The following NME9 variants were observed in gnomAD, a reference collection of about 807,000 sequenced individuals.
NME9 encodes the protein thioredoxin domain-containing protein 6.
In NME9, 48 loss-of-function variants were observed where a neutral mutation model predicts 44.4. That is an observed-to-expected ratio of 1.08 (90% CI 0.86 to 1.37). The LOEUF is 1.37. Ranked by LOEUF, NME9 falls within the 40% of genes most tolerant of loss-of-function variation. The pLI is 0.00. For missense variants in NME9, 325 were observed against 405.2 expected, an observed-to-expected ratio of 0.80 and a Z score of 1.70; for synonymous variants, 139 against 147.1, an observed-to-expected ratio of 0.94 and a Z score of 0.40.
intron 8 of NME9, among the ~76,000 whole-genome samples, chr3:138,293,424 A>G (rs1321162455): frequency 6.6e-6 from 1 of 152,170 alleles, no homozygotes; most frequent in Non-Finnish European, 1.5e-5. Flanking sequence ...CTGTAGTCCT[A>G]GCTACTGGGG....
intron 8 of NME9, among the ~76,000 whole-genome samples, chr3:138,305,310 A>G (rs889095190): frequency 1.3e-5 from 2 of 152,254 alleles, no homozygotes; most frequent in African/African-American, 2.4e-5. Flanking sequence ...GTGAGATTAT[A>G]TAAATTAGGC....
intron 1 of NME9, 62 bp from the exon 2 acceptor site, chr3:138,324,992 C>A: frequency 7.6e-7 from 1 of 1,316,476 alleles, no homozygotes; most frequent in South Asian, 1.2e-5. Context: ...ACAATTCAAT[C>A]TATTTGCTCT....
chr3:138,306,027 A>G lies in NME9; in HGVS notation c.613T>C (p.Phe205Leu). Residue 205 changes from phenylalanine to leucine, a missense_variant, in exon 8 of 11, where the codon TTC becomes CTC. Coordinates refer to ENST00000333911, the MANE Select transcript of NME9 (RefSeq NM_001349018.2). Reference sequence around the variant, plus strand: ...ACCTCTCCAGCTTTGTGTTGGTAGAAAAGTCGCACTTCTGCCTCTGTCATG... The same window carrying G: ...ACCTCTCCAGCTTTGTGTTGGTAGAGAAGTCGCACTTCTGCCTCTGTCATG... Reference protein sequence around the residue: ...RTMTEAEVRLFYQHKAGEEAF... With the variant: ...RTMTEAEVRLLYQHKAGEEAF... 6.2e-7 allele frequency: 1 copy of G among 1,613,302 alleles called. No individual in the cohort carries two copies. Among genetic ancestry groups the G allele is most frequent in the Non-Finnish European group, 8.5e-7 (1 of 1,179,218 alleles).
intron 10 of NME9, among the ~76,000 whole-genome samples, chr3:138,302,114 C>A (rs1489630825): frequency 6.6e-6 from 1 of 152,140 alleles, no homozygotes; most frequent in Non-Finnish European, 1.5e-5. Context: ...TTGTCTATCA[C>A]CTTGACTCCT....
chr3:138,319,440 A>T, intron 3 of NME9, 38 bp downstream of exon 3: 1 of 1,166,092 alleles, frequency 8.6e-7, no homozygotes, highest in Non-Finnish European at 1.3e-6. Flanking sequence ...AATTCTTTTT[A>T]CAATGTTGTA....
intron 8 of NME9, among the ~76,000 whole-genome samples, chr3:138,294,205 A>C (rs1222221960): frequency 6.6e-6 from 1 of 152,216 alleles, no homozygotes; most frequent in African/African-American, 2.4e-5. Context: ...TGAAGAATAT[A>C]TCTCTCAGGT....
At chr3:138,273,081 T>C (rs749529780) in intron 8 of NME9, 52 of 1,612,660 alleles carry the variant, frequency 3.2e-5, no homozygotes, top group Non-Finnish European at 4.2e-5. Flanking sequence ...GATGAAGACA[T>C]TGGGACTTCT....
chr3:138,271,908 G>A (rs1371553072), intron 8 of NME9, among the ~76,000 whole-genome samples: 1 of 151,146 alleles, frequency 6.6e-6, no homozygotes, highest in Non-Finnish European at 1.5e-5. Flanking sequence ...TGATTCTTGT[G>A]CCTCAACCTC....
intron 6 of NME9, among the ~76,000 whole-genome samples, chr3:138,311,700 TA>T (rs1201586886): frequency 6.6e-6 from 1 of 152,082 alleles, no homozygotes; most frequent in Non-Finnish European, 1.5e-5. Flanking sequence ...CCCTTTATGA[TA>T]AAAAACCTTC....
intron 8 of NME9, among the ~76,000 whole-genome samples, chr3:138,285,998 G>A (rs533985949): frequency 3.0e-4 from 46 of 152,244 alleles, no homozygotes; most frequent in Middle Eastern, 3.4e-3. Context: ...AGACTAGAGT[G>A]CAGTGACGCG....
At chr3:138,299,142 C>T (rs952682847), downstream of NME9, among the ~76,000 whole-genome samples, 2 of 152,124 alleles carry the variant, frequency 1.3e-5, no homozygotes, top group Non-Finnish European at 2.9e-5. Flanking sequence ...CTGCCCCTTG[C>T]CTGTTTACTG....
chr3:138,306,379 T>C lies in NME9; in HGVS notation c.543+19A>G. On this transcript the variant is annotated intron_variant, in intron 7 of 10. Transcript: ENST00000333911. ...AGGACACAAGGACAGTGGTGCATGG[T>C]AAGTGTTGTCTCTCTTACCTTCATG... The C allele has an allele frequency of 6.4e-7, 1 of 1,564,858 alleles. No individual in the cohort carries two copies.
Position 138,304,966 on chromosome 3 carries a change from G to T in NME9, c.698C>A (p.Thr233Asn), listed in dbSNP as rs771448766. The change falls in exon 9 of 11, where the codon ACC becomes AAC. Residue 233 changes from threonine to asparagine, a missense_variant. Thr to Asn is a moderately conservative substitution (Grantham distance 65). Transcript: ENST00000333911. ...CSGPSHLLILTRTEGFEDVVT... is the reference protein window; with the variant it reads ...CSGPSHLLILNRTEGFEDVVT... Reference sequence around the variant, plus strand: ...CACGTCCTCGAAGCCCTCAGTCCTGGTGAGGATCAGGAGGTGGCTTGGTCC... The same window carrying T: ...CACGTCCTCGAAGCCCTCAGTCCTGTTGAGGATCAGGAGGTGGCTTGGTCC... The T allele has an allele frequency of 2.1e-5, 34 of 1,613,604 alleles. No individual in the cohort carries two copies. Among genetic ancestry groups the T allele is most frequent in the Non-Finnish European group, 2.8e-5 (33 of 1,179,488 alleles).
intron 8 of NME9, among the ~76,000 whole-genome samples, chr3:138,293,930 C>T (rs928956114): frequency 4.6e-5 from 7 of 152,076 alleles, no homozygotes; most frequent in Admixed American, 4.6e-4. Flanking sequence ...AAACGTAAAC[C>T]GTAAAATAAT....
At chr3:138,303,946 G>T (rs191387916) in intron 9 of NME9, among the ~76,000 whole-genome samples, 36 of 152,320 alleles carry the variant, frequency 2.4e-4, no homozygotes, top group Non-Finnish European at 4.7e-4. Flanking sequence ...AATGGTGTAA[G>T]CACAGGAGCT....
At chr3:138,308,887 C>T (rs563340462) in intron 6 of NME9, among the ~76,000 whole-genome samples, 1 of 139,880 alleles carries the variant, frequency 7.1e-6, no homozygotes, top group Admixed American at 7.6e-5. Context: ...CAACAGGCTT[C>T]TCAATAGAAA....
downstream of NME9, chr3:138,300,927 C>T (rs1308613385): frequency 1.2e-5 from 4 of 322,748 alleles, no homozygotes; most frequent in Admixed American, 1.9e-4. Flanking sequence ...CATCAGTGTG[C>T]CTGGAAGTGT....
intron 1 of NME9, among the ~76,000 whole-genome samples, chr3:138,328,626 G>A (rs1181452299): frequency 2.0e-5 from 3 of 152,058 alleles, no homozygotes; most frequent in Non-Finnish European, 4.4e-5. Context: ...ATCTCCTTAT[G>A]ACCAAGCACT....
At position 138,303,608 on chromosome 3, in the gene NME9, T is replaced by C; in HGVS notation, c.827A>G (p.Asn276Ser). 1.2e-6 allele frequency: 2 copies of C among 1,613,778 alleles called. No homozygotes were observed. The highest frequency in any genetic ancestry group is 1.7e-6 in the Non-Finnish European group (2 of 1,179,628). The change falls in exon 10 of 11, where the codon AAT (asparagine) becomes AGT (serine). Residue 276 changes from asparagine (N) to serine (S), a missense_variant. Coordinates refer to ENST00000333911, the MANE Select transcript of NME9 (RefSeq NM_001349018.2). Reference sequence around the variant, plus strand: ...TCTGTCCCGGCTTCCATGGACGGCATTGAAGGGCATTTCTGTGCCGTACTG... The same window carrying C: ...TCTGTCCCGGCTTCCATGGACGGCACTGAAGGGCATTTCTGTGCCGTACTG... ...RAQYGTEMPF[N>S]AVHGSRDRED...
Sources: gnomAD v4.1 joint callset for allele counts (sites outside exome capture counted in the v4.1 genomes callset) on GRCh38, gnomAD v4.1.1 for gene constraint, MANE v1.5 for transcripts, NCBI Gene and HGNC (gene_info 2026-07-23, HGNC 2026-07-21) for gene names.